ARL15: variants seen among roughly 807,000 people sequenced by gnomAD.
The protein encoded by ARL15 is ADP-ribosylation factor-like protein 15.
In ARL15, 19 loss-of-function variants were observed where a neutral mutation model predicts 25.2. The ratio of observed to expected loss-of-function variants is 0.75; its 90% confidence interval spans 0.53 to 1.10. The LOEUF is 1.10. ARL15 is among the 50% of genes least tolerant of loss of function. ARL15 has a pLI of 0.00. For synonymous variants in ARL15, 94 were observed against 86.8 expected, an observed-to-expected ratio of 1.08 and a Z score of -0.46; for missense variants, 220 against 246.0, an observed-to-expected ratio of 0.89 and a Z score of 0.71.
At chr5:54,177,378 A>G (rs988022401) in intron 1 of ARL15, among the ~76,000 whole-genome samples, 1 of 152,258 alleles carries the variant, frequency 6.6e-6, no homozygotes, top group African/African-American at 2.4e-5. Context: ...GCTTGAAAGC[A>G]GAAGCAAACC....
chr5:54,245,481 A>C (rs1166799773), intron 1 of ARL15, among the ~76,000 whole-genome samples: 2 of 152,194 alleles, frequency 1.3e-5, no homozygotes, highest in Non-Finnish European at 2.9e-5. Context: ...GGTGATCTGG[A>C]CTCAGGTACC....
intron 4 of ARL15, among the ~76,000 whole-genome samples, chr5:54,062,517 G>GAAAAAAAA (rs71577097): frequency 8.8e-6 from 1 of 113,496 alleles, no homozygotes; most frequent in Admixed American, 9.3e-5. Context: ...GGTGGTTAAG[G>GAAAAAAAA]AAAAAAAAAA....
At chr5:54,079,994 C>T (rs1473799589) in intron 4 of ARL15, among the ~76,000 whole-genome samples, 1 of 136,070 alleles carries the variant, frequency 7.3e-6, no homozygotes, top group African/African-American at 3.0e-5. Context: ...CACACACACA[C>T]ACACACACAC....
At chr5:54,206,233 T>C (rs1273731847) in intron 1 of ARL15, among the ~76,000 whole-genome samples, 2 of 152,176 alleles carry the variant, frequency 1.3e-5, no homozygotes, top group African/African-American at 4.8e-5. Flanking sequence ...TTCTCGAAGC[T>C]TGAAAAGGGT....
intron 4 of ARL15, among the ~76,000 whole-genome samples, chr5:54,077,785 G>A (rs1450084435): frequency 6.6e-6 from 1 of 152,136 alleles, no homozygotes; most frequent in African/African-American, 2.4e-5. Flanking sequence ...GCAAAGATGT[G>A]AGGTTTTCTC....
At chr5:54,118,028 C>T (rs970232675) in intron 3 of ARL15, among the ~76,000 whole-genome samples, 3 of 152,042 alleles carry the variant, frequency 2.0e-5, no homozygotes, top group Non-Finnish European at 4.4e-5. Flanking sequence ...TTCCAAATGA[C>T]GAATGCATGA....
chr5:54,090,733 A>T lies in ARL15; in HGVS notation c.462+22469T>A, dbSNP rs186805802. On this transcript the variant is annotated intron_variant, in intron 4 of 4. Coordinates refer to ENST00000504924, the MANE Select transcript of ARL15 (RefSeq NM_019087.3). ...AGGATAGGAAAAGGAAAGATAAAAAAGGATAATTATAAAATCCTTGGAATG... is the reference window on the plus strand; with the variant it reads ...AGGATAGGAAAAGGAAAGATAAAAATGGATAATTATAAAATCCTTGGAATG... Among the ~76,000 whole-genome samples, 192 of 152,300 alleles carry T rather than the reference A, an allele frequency of 1.3e-3. 1 individual carries two copies. The highest frequency in any genetic ancestry group is 2.9e-3 in the South Asian group (14 of 4,826).
chr5:53,977,422 C>T (rs1247615595), intron 4 of ARL15, among the ~76,000 whole-genome samples: 1 of 150,744 alleles, frequency 6.6e-6, no homozygotes, highest in Admixed American at 6.6e-5. Context: ...GCACAGTAGT[C>T]TTTTACATAG....
intron 3 of ARL15, among the ~76,000 whole-genome samples, chr5:54,148,970 A>T (rs1753988255): frequency 1.3e-5 from 2 of 152,222 alleles, no homozygotes; most frequent in Admixed American, 1.3e-4. Flanking sequence ...CCTGTTTGTA[A>T]ATTTAAGTAC....
At chr5:54,247,929 G>A (rs1353936296) in intron 1 of ARL15, among the ~76,000 whole-genome samples, 9 of 152,096 alleles carry the variant, frequency 5.9e-5, no homozygotes, top group African/African-American at 2.2e-4. Flanking sequence ...GCTGGTGAAT[G>A]TGAAGGAGAA....
chr5:54,010,763 G>T (rs988382907), intron 4 of ARL15, among the ~76,000 whole-genome samples: 6 of 152,096 alleles, frequency 3.9e-5, no homozygotes, highest in African/African-American at 1.4e-4. Flanking sequence ...TGTAATCCCA[G>T]CACTTTGGGA....
chr5:54,025,035 A>G (rs1749742552), intron 4 of ARL15, among the ~76,000 whole-genome samples: 1 of 152,168 alleles, frequency 6.6e-6, no homozygotes, highest in Non-Finnish European at 1.5e-5. Flanking sequence ...TTTTTAACAT[A>G]AATTTTCCAC....
intron 4 of ARL15, among the ~76,000 whole-genome samples, chr5:54,024,397 C>T (rs1455059915): frequency 1.3e-5 from 2 of 152,140 alleles, no homozygotes; most frequent in East Asian, 1.9e-4. Context: ...AAACCAAATT[C>T]GTGAGTAACA....
chr5:54,082,072 CA>C (rs369547034), intron 4 of ARL15, among the ~76,000 whole-genome samples: 19 of 78,066 alleles, frequency 2.4e-4, no homozygotes, highest in Admixed American at 7.3e-4. Context: ...GCCTGGGTAA[CA>C]AAAAAAAAAG....
At chr5:54,148,011 T>A (rs372436205) in intron 3 of ARL15, among the ~76,000 whole-genome samples, 1 of 152,144 alleles carries the variant, frequency 6.6e-6, no homozygotes, top group African/African-American at 2.4e-5. Flanking sequence ...ATAATATACA[T>A]GGAACTGTGA....
intron 3 of ARL15, among the ~76,000 whole-genome samples, chr5:54,139,817 A>G (rs1330711268): frequency 2.6e-5 from 4 of 152,086 alleles, no homozygotes; most frequent in South Asian, 2.1e-4. Context: ...GGGCAACAGA[A>G]TGAGACCCTG....
chr5:54,246,262 CT>C (rs1278170019), intron 1 of ARL15, among the ~76,000 whole-genome samples: 1 of 152,004 alleles, frequency 6.6e-6, no homozygotes, highest in Admixed American at 6.5e-5. Flanking sequence ...TCTATGCGCC[CT>C]TATTCTGGGT....
intron 1 of ARL15, among the ~76,000 whole-genome samples, chr5:54,268,136 G>GGCTTTGTTCGTTTCTTTTTATTCTTTGT (rs1757677167): frequency 6.6e-6 from 1 of 151,842 alleles, no homozygotes; most frequent in Admixed American, 6.6e-5. Context: ...TTTTCACATA[G>GGCTTTGTTCGTTTCTTTTTATTCTTTGT]TCCCATATTT....
intron 1 of ARL15, among the ~76,000 whole-genome samples, chr5:54,194,987 TG>T (rs1464008682): frequency 6.6e-6 from 1 of 152,178 alleles, no homozygotes; most frequent in Non-Finnish European, 1.5e-5. Flanking sequence ...TACTAGTAGA[TG>T]GAAGTCACAA....
Sources: gnomAD v4.1 joint callset for allele counts (sites outside exome capture counted in the v4.1 genomes callset) on GRCh38, gnomAD v4.1.1 for gene constraint, MANE v1.5 for transcripts, NCBI Gene and HGNC (gene_info 2026-07-23, HGNC 2026-07-21) for gene names.